The following TMEM156 variants were observed in gnomAD, a reference collection of about 807,000 sequenced individuals.
The protein encoded by TMEM156 is transmembrane protein 156.
In TMEM156, 28 loss-of-function variants were observed where a neutral mutation model predicts 30.5. The observed-to-expected ratio is 0.92, with a 90% CI of 0.68 to 1.26. The LOEUF (loss-of-function observed/expected upper bound fraction) is 1.26. Ranked by LOEUF, TMEM156 falls within the 50% of genes most tolerant of loss-of-function variation. TMEM156 has a pLI of 0.00. For synonymous variants in TMEM156, 137 were observed against 119.9 expected (o/e 1.14, Z -0.93); for missense variants, 351 against 340.6 (o/e 1.03, Z -0.24).
chr4:39,023,624 C>G (rs1227709259), intron 1 of TMEM156, among the ~76,000 whole-genome samples: 1 of 152,142 alleles, frequency 6.6e-6, no homozygotes, highest in Non-Finnish European at 1.5e-5. Context: ...GGGCGAATCA[C>G]TTGAGGTCAG....
chr4:38,998,570 A>C (rs1057425046), intron 2 of TMEM156, 70 bp downstream of exon 2: 1 of 1,355,882 alleles, frequency 7.4e-7, no homozygotes, highest in Non-Finnish European at 9.8e-7. Flanking sequence ...TATATTATTA[A>C]TACGTTTTTA....
chr4:39,011,572 A>C (rs1438700682), intron 1 of TMEM156, among the ~76,000 whole-genome samples: 1 of 152,136 alleles, frequency 6.6e-6, no homozygotes, highest in Non-Finnish European at 1.5e-5. Flanking sequence ...TCAGGAGTTC[A>C]AGACCAGTCT....
At chr4:39,016,977 G>A (rs1052610828) in intron 1 of TMEM156, among the ~76,000 whole-genome samples, 3 of 152,022 alleles carry the variant, frequency 2.0e-5, no homozygotes, top group African/African-American at 7.2e-5. Context: ...GCGAACTTGT[G>A]CAGGGGAACT....
intron 1 of TMEM156, among the ~76,000 whole-genome samples, chr4:39,000,899 T>C (rs1420730451): frequency 6.6e-6 from 1 of 151,894 alleles, no homozygotes; most frequent in Non-Finnish European, 1.5e-5. Flanking sequence ...ATAAATTAAT[T>C]TAATTAAATT....
chr4:39,006,373 G>A (rs183333421), intron 1 of TMEM156, among the ~76,000 whole-genome samples: 20 of 151,944 alleles, frequency 1.3e-4, no homozygotes, highest in Admixed American at 4.6e-4. Context: ...AGTTATTTAC[G>A]TTTTCTGCTT....
chr4:38,999,022 G>T (rs6848501), intron 1 of TMEM156, 113 bp from the exon 2 acceptor site: 151,118 of 739,232 alleles, frequency 0.2, 16,168 homozygotes, highest in East Asian at 0.22. Flanking sequence ...GTACATTTCA[G>T]CTTATCAGAG....
chr4:39,000,315 CT>C (rs1713247034), intron 1 of TMEM156, among the ~76,000 whole-genome samples: 1 of 152,094 alleles, frequency 6.6e-6, no homozygotes, highest in Admixed American at 6.5e-5. Context: ...TCACTTAAGC[CT>C]GGGAGGTTGA....
chr4:38,987,031 T>C (rs938827743), intron 4 of TMEM156, among the ~76,000 whole-genome samples: 3 of 152,098 alleles, frequency 2.0e-5, no homozygotes, highest in Non-Finnish European at 2.9e-5. Flanking sequence ...TCACTAAGTC[T>C]GTCATTTGGG....
chr4:38,989,729 G>A (rs867503164), intron 3 of TMEM156, among the ~76,000 whole-genome samples: 9 of 152,096 alleles, frequency 5.9e-5, no homozygotes, highest in African/African-American at 1.2e-4. Context: ...CACAAGGGTG[G>A]CATCATCATA....
chr4:39,003,554 G>A (rs1005117332), intron 1 of TMEM156, among the ~76,000 whole-genome samples: 1 of 151,928 alleles, frequency 6.6e-6, no homozygotes, highest in Non-Finnish European at 1.5e-5. Context: ...GGCTGGTCTT[G>A]AACTCCCGAC....
At chr4:39,013,381 A>G (rs1264239383) in intron 1 of TMEM156, among the ~76,000 whole-genome samples, 3 of 17,458 alleles carry the variant, frequency 1.7e-4, no homozygotes, top group South Asian at 1.6e-3. Context: ...TGGTTTATTT[A>G]TTTATTTATT....
chr4:38,980,954 C>T (rs1723148268), intron 5 of TMEM156: 1 of 985,096 alleles, frequency 1.0e-6, no homozygotes, highest in African/African-American at 1.7e-5. Context: ...AATAAATCGT[C>T]CTATTCCGCC....
chr4:38,984,188 C>T (rs1216734952), intron 5 of TMEM156, among the ~76,000 whole-genome samples: 1 of 152,198 alleles, frequency 6.6e-6, no homozygotes, highest in Non-Finnish European at 1.5e-5. Context: ...TTTATTCCAT[C>T]AGTGTCCACC....
chr4:39,027,064 G>C (rs915934324), intron 1 of TMEM156, among the ~76,000 whole-genome samples: 2 of 152,154 alleles, frequency 1.3e-5, no homozygotes, highest in Non-Finnish European at 2.9e-5. Context: ...CGCCATGAAT[G>C]AGTAGAAATA....
At chr4:38,991,742 T>G (rs563151794) in intron 3 of TMEM156, among the ~76,000 whole-genome samples, 38 of 152,124 alleles carry the variant, frequency 2.5e-4, no homozygotes, top group Non-Finnish European at 4.6e-4. Flanking sequence ...TTAGAAAAAA[T>G]ATAAAATACA....
At chr4:39,004,766 A>G (rs1352905493) in intron 1 of TMEM156, among the ~76,000 whole-genome samples, 5 of 152,078 alleles carry the variant, frequency 3.3e-5, no homozygotes, top group African/African-American at 1.2e-4. Flanking sequence ...GTGAACTGAA[A>G]CTCTCATACA....
chr4:39,004,257 A>T (rs1031793145), intron 1 of TMEM156, among the ~76,000 whole-genome samples: 2 of 152,292 alleles, frequency 1.3e-5, no homozygotes, highest in African/African-American at 4.8e-5. Flanking sequence ...AAGTACATAG[A>T]ATACTGAACA....
At chr4:38,998,557 GAATA>G in intron 2 of TMEM156, 79 bp downstream of exon 2, 1 of 988,128 alleles carries the variant, frequency 1.0e-6, no homozygotes, top group Non-Finnish European at 1.4e-6. Flanking sequence ...AAAAAAAAAA[GAATA>G]TATTATTAAT....
At chr4:38,980,660 T>C (rs530973111) in intron 5 of TMEM156, among the ~76,000 whole-genome samples, 3 of 152,162 alleles carry the variant, frequency 2.0e-5, no homozygotes, top group South Asian at 4.2e-4. Flanking sequence ...ATGTACGGTG[T>C]TATGAGGGTG....
Sources: allele counts gnomAD v4.1 joint callset (sites outside exome capture counted in the v4.1 genomes callset), GRCh38; gene constraint gnomAD v4.1.1; transcripts MANE v1.5; gene names NCBI Gene and HGNC (gene_info 2026-07-23, HGNC 2026-07-21).